CDC14A: variants seen among roughly 807,000 people sequenced by gnomAD.
CDC14A encodes cell division cycle 14A.
Under a neutral mutation model 74.4 loss-of-function variants are expected in CDC14A, and 53 were observed. That is an observed-to-expected ratio of 0.71 (90% CI 0.57 to 0.89). The LOEUF is 0.89. Among genes scored for constraint, CDC14A ranks in the 40% least tolerant of loss-of-function variants. The pLI is 0.00. For synonymous variants in CDC14A, 247 were observed against 258.4 expected, an observed-to-expected ratio of 0.96 and a Z score of 0.43; for missense variants, 646 against 713.7, an observed-to-expected ratio of 0.91 and a Z score of 1.08.
In CDC14A at chr1:100,499,035, G is replaced by A. The variant is rs1197886058; in HGVS notation, c.1528G>A (p.Ala510Thr). ...CTCATCCTCTAAGGCAGGCTTCACAGCCAGCCCGTTTACCAACCTCTTGAA... is the reference window on the plus strand; with the variant it reads ...CTCATCCTCTAAGGCAGGCTTCACAACCAGCCCGTTTACCAACCTCTTGAA... ...TSSSSKAGFT[A>T]SPFTNLLNGS... The change falls in exon 15 of 16, where the codon GCC becomes ACC. Residue 510 changes from alanine (A) to threonine (T), a missense_variant. Transcript: ENST00000336454. 1.9e-6 allele frequency: 3 copies of A among 1,614,052 alleles called. No homozygotes were observed. Among genetic ancestry groups the A allele is most frequent in the Non-Finnish European group, 2.5e-6 (3 of 1,180,030 alleles).
At chr1:100,417,854 A>G (rs1391561391) in intron 4 of CDC14A, among the ~76,000 whole-genome samples, 3 of 152,220 alleles carry the variant, frequency 2.0e-5, no homozygotes, top group African/African-American at 7.2e-5. Flanking sequence ...GTAGCTGTTC[A>G]TTAAACATAG....
At chr1:100,495,359 A>C (rs1024724725) in intron 12 of CDC14A, among the ~76,000 whole-genome samples, 1 of 152,200 alleles carries the variant, frequency 6.6e-6, no homozygotes, top group Non-Finnish European at 1.5e-5. Context: ...TCTATTTTTG[A>C]AAATTGAATA....
At chr1:100,426,480 A>G (rs991465290) in intron 5 of CDC14A, among the ~76,000 whole-genome samples, 8 of 152,242 alleles carry the variant, frequency 5.3e-5, no homozygotes, top group Non-Finnish European at 1.2e-4. Context: ...AATACTACTT[A>G]ACATAGAATT....
Position 100,518,317 on chromosome 1 carries a change from G to C in CDC14A, c.*37G>C. The C allele has an allele frequency of 1.3e-6, 2 of 1,573,200 alleles. No homozygotes were observed. Among genetic ancestry groups the C allele is most frequent in the Non-Finnish European group, 1.7e-6 (2 of 1,144,138 alleles). On this transcript the variant is annotated 3_prime_UTR_variant, in exon 16 of 16. Coordinates refer to ENST00000336454, the MANE Select transcript of CDC14A (RefSeq NM_003672.4). ...TCCAGTGAAAGCTGTTCTTCTCTTA[G>C]ACACAATTTCTTCATCTGGACGAGC...
upstream of CDC14A, chr1:100,351,639 C>G (rs765638801): frequency 6.2e-6 from 6 of 971,194 alleles, no homozygotes; most frequent in East Asian, 2.6e-5. Flanking sequence ...CGCGCCCGCC[C>G]AGGCTGGCTC....
chr1:100,374,150 C>T (rs1408340901), intron 2 of CDC14A, among the ~76,000 whole-genome samples: 1 of 152,140 alleles, frequency 6.6e-6, no homozygotes, highest in African/African-American at 2.4e-5. Flanking sequence ...TTTTTTATGG[C>T]TGCATAGTAT....
intron 4 of CDC14A, among the ~76,000 whole-genome samples, chr1:100,414,197 G>A (rs1243800913): frequency 6.6e-6 from 1 of 152,122 alleles, no homozygotes; most frequent in Non-Finnish European, 1.5e-5. Flanking sequence ...AAGGCACAAT[G>A]GCTCATGCCT....
intron 8 of CDC14A, 65 bp downstream of exon 8, chr1:100,455,557 T>C: frequency 1.1e-6 from 1 of 893,236 alleles, no homozygotes. Context: ...GTTTCTTAAC[T>C]TCCTCAGATA....
At chr1:100,495,965 C>T (rs946337949) in intron 12 of CDC14A, 37 bp from the exon 13 acceptor site, 7 of 1,588,740 alleles carry the variant, frequency 4.4e-6, no homozygotes, top group Non-Finnish European at 6.0e-6. Context: ...AACGTGTGCC[C>T]TGGTGATATG....
chr1:100,489,123 C>T (rs571071754), intron 11 of CDC14A, among the ~76,000 whole-genome samples: 1 of 152,244 alleles, frequency 6.6e-6, no homozygotes, highest in African/African-American at 2.4e-5. Context: ...TCAGAAGCAG[C>T]TTATTATAAA....
intron 7 of CDC14A, among the ~76,000 whole-genome samples, chr1:100,452,450 G>A (rs1179355428): frequency 6.6e-6 from 1 of 152,196 alleles, no homozygotes; most frequent in Non-Finnish European, 1.5e-5. Flanking sequence ...GGCAGAGGTT[G>A]CAGTGAGCTG....
intron 5 of CDC14A, among the ~76,000 whole-genome samples, chr1:100,432,502 T>C (rs1663816362): frequency 6.6e-6 from 1 of 152,144 alleles, no homozygotes; most frequent in South Asian, 2.1e-4. Flanking sequence ...ATTTCAAAGA[T>C]GTAGTATAAA....
rs895993819 is a variant in CDC14A, at chr1:100,403,003, G to T, written c.309+12179G>T. ...TCGTGTACCAACCAGGGACAATGGT[G>T]GTTGTTCTCATGTTTACTTTGGTGA... On this transcript the variant is annotated intron_variant, in intron 4 of 15. Transcript: ENST00000336454. Among the ~76,000 whole-genome samples, 6 of 152,150 alleles carry T rather than the reference G, an allele frequency of 3.9e-5. No individual in the cohort carries two copies. The East Asian group carries it at 9.6e-4, about 24-fold the overall frequency.
chr1:100,407,249 CA>C (rs1447435053), intron 4 of CDC14A, among the ~76,000 whole-genome samples: 1 of 151,922 alleles, frequency 6.6e-6, no homozygotes, highest in East Asian at 1.9e-4. Context: ...ATGTCAGTGG[CA>C]GTTTAATGGG....
intron 3 of CDC14A, among the ~76,000 whole-genome samples, chr1:100,384,866 T>C (rs2100970239): frequency 6.6e-6 from 1 of 152,358 alleles, no homozygotes; most frequent in African/African-American, 2.4e-5. Context: ...TACTGCACTT[T>C]GGATAGGGAA....
intron 8 of CDC14A, among the ~76,000 whole-genome samples, chr1:100,460,250 G>T (rs907676733): frequency 6.6e-6 from 1 of 152,204 alleles, no homozygotes; most frequent in African/African-American, 2.4e-5. Context: ...GACAATTTCT[G>T]TCCAGTGTTT....
chr1:100,508,960 A>G lies in CDC14A; in HGVS notation c.1756-9291A>G, dbSNP rs1649475209. 1.3e-5 allele frequency among the ~76,000 whole-genome samples: 2 copies of G among 152,180 alleles called. No homozygotes were observed. Among genetic ancestry groups the G allele is most frequent in the African/African-American group, 4.8e-5 (2 of 41,448 alleles). On this transcript the variant is annotated intron_variant, in intron 15 of 15. Coordinates refer to ENST00000336454, the MANE Select transcript of CDC14A (RefSeq NM_003672.4). The surrounding 1 kb of genome is among the most constrained non-coding windows in gnomAD (Gnocchi z 4.4). ...TCCAGAGGGTAGTTTGGAGTGTACC[A>G]TCTCGACATGAAGTAGGTCCAGTCT...
intron 3 of CDC14A, among the ~76,000 whole-genome samples, chr1:100,378,871 G>A (rs1439985908): frequency 6.6e-6 from 1 of 152,124 alleles, no homozygotes; most frequent in African/African-American, 2.4e-5. Flanking sequence ...TTTAAGAAAA[G>A]AAGCCAGTAT....
chr1:100,403,342 C>A (rs1036929070), intron 4 of CDC14A, among the ~76,000 whole-genome samples: 1 of 152,170 alleles, frequency 6.6e-6, no homozygotes, highest in Non-Finnish European at 1.5e-5. Flanking sequence ...GACTTCACTG[C>A]TCACTAATGG....
Sources: allele counts gnomAD v4.1 joint callset (sites outside exome capture counted in the v4.1 genomes callset), GRCh38; gene constraint gnomAD v4.1.1; non-coding constraint Gnocchi (gnomAD v3.1); transcripts MANE v1.5; gene names NCBI Gene and HGNC (gene_info 2026-07-23, HGNC 2026-07-21).